PPP1R42: variants seen among roughly 807,000 people sequenced by gnomAD.
The protein encoded by PPP1R42 is protein phosphatase 1 regulatory subunit 42.
PPP1R42 carries 34 observed loss-of-function variants against 31.0 expected under a neutral mutation model. The ratio of observed to expected loss-of-function variants is 1.10; its 90% CI spans 0.83 to 1.46. PPP1R42 has a LOEUF of 1.46. Among genes scored for constraint, PPP1R42 ranks in the 40% most tolerant of loss-of-function variants. The probability of loss-of-function intolerance (pLI) is 0.00; values close to 1 mark genes in which losing one functional copy is unlikely to be tolerated. For synonymous variants in PPP1R42, 103 were observed against 109.8 expected, an observed-to-expected ratio of 0.94 and a Z score of 0.39; for missense variants, 268 against 303.0, an observed-to-expected ratio of 0.88 and a Z score of 0.86.
Position 66,985,021 on chromosome 8 carries a change from C to G in PPP1R42, c.671-2841G>C, listed in dbSNP as rs1180208760. The G allele has an allele frequency of 9.8e-6, 15 of 1,523,364 alleles. No homozygotes were observed. In the African/African-American group the frequency reaches 1.4e-4, roughly 14 times the overall value. The allele number at this position is 1,523,364 out of a possible 1,614,324, so 94.4% of individuals were successfully genotyped here. On this transcript the variant is annotated intron_variant, in intron 6 of 7. Coordinates refer to ENST00000685739, the MANE Select transcript of PPP1R42 (RefSeq NM_001364910.1). ...ATCTTCTCTCTTGGGATTTTCCTCT[C>G]TAAGGTTAAAGCCATTGGGGATTAT... is the stretch of plus-strand genomic sequence containing the variant.
At chr8:66,986,081 G>A in intron 6 of PPP1R42, 2 of 732,450 alleles carry the variant, frequency 2.7e-6, no homozygotes, top group Non-Finnish European at 2.6e-6. Flanking sequence ...TCAGATGATC[G>A]GCTGCCTTCT....
chr8:66,998,432 T>G lies in PPP1R42; in HGVS notation c.553-9915A>C, dbSNP rs553905182. 7.2e-5 allele frequency among the ~76,000 whole-genome samples: 11 copies of G among 152,352 alleles called. 1 individual carries two copies. The highest frequency in any genetic ancestry group is 2.2e-4 in the African/African-American group (9 of 41,580). On this transcript the variant is annotated intron_variant, in intron 5 of 7. Transcript: ENST00000685739. ...ATATGGCTTTGCTAAATACACTCCATAAGTTCTAATAGCTTTTTGCAGATT... is the reference window on the plus strand; with the variant it reads ...ATATGGCTTTGCTAAATACACTCCAGAAGTTCTAATAGCTTTTTGCAGATT...
intron 6 of PPP1R42, chr8:66,984,016 A>G: frequency 4.7e-6 from 5 of 1,053,372 alleles, no homozygotes; most frequent in Non-Finnish European, 7.3e-6. Context: ...CCTTTGTCCC[A>G]ATGTCTGCTT....
chr8:66,994,310 T>C (rs1379022418), intron 5 of PPP1R42, among the ~76,000 whole-genome samples: 1 of 152,196 alleles, frequency 6.6e-6, no homozygotes, highest in Non-Finnish European at 1.5e-5. Flanking sequence ...TCTAGGACCC[T>C]CAGTAAGCTA....
At chr8:67,017,069 C>T (rs1050149758) in intron 2 of PPP1R42, among the ~76,000 whole-genome samples, 5 of 151,842 alleles carry the variant, frequency 3.3e-5, no homozygotes, top group African/African-American at 7.3e-5. Flanking sequence ...TATATTTAAT[C>T]TATGTATTTA....
chr8:67,014,427 GTT>G lies in PPP1R42; in HGVS notation c.293_294del (p.Lys98ThrfsTer26). 2.0e-6 allele frequency: 3 copies of G among 1,480,024 alleles called. No homozygotes were observed. Among genetic ancestry groups the G allele is most frequent in the Non-Finnish European group, 2.7e-6 (3 of 1,109,262 alleles). The allele number at this position is 1,480,024 out of a possible 1,614,324, so 91.7% of individuals were successfully genotyped here. On this transcript the variant is annotated frameshift_variant and splice_region_variant, in exon 3 of 8. Coordinates refer to ENST00000685739, the MANE Select transcript of PPP1R42 (RefSeq NM_001364910.1). LOFTEE classifies it high-confidence loss of function. ...TTATTAAAAAATAAAAGCACTTACA[GTT>G]TTTCCAGTTTCTTTAATGACCTGAG... ...ENLRSLKKLE[K>X]LYLGGNYIAV...
intron 5 of PPP1R42, among the ~76,000 whole-genome samples, chr8:67,009,973 G>A (rs542646307): frequency 6.6e-5 from 10 of 152,272 alleles, no homozygotes; most frequent in South Asian, 2.1e-4. Context: ...AGCTCATTCC[G>A]TTGCCAAACC....
intron 1 of PPP1R42, among the ~76,000 whole-genome samples, chr8:67,018,996 AT>A (rs1418336836): frequency 1.5e-3 from 209 of 142,054 alleles, no homozygotes; most frequent in East Asian, 5.4e-3. Context: ...TGCCCGGCTA[AT>A]TTTTTTTTTT....
At chr8:67,010,031 C>A (rs937955935) in intron 5 of PPP1R42, among the ~76,000 whole-genome samples, 27 of 152,180 alleles carry the variant, frequency 1.8e-4, no homozygotes, top group African/African-American at 6.3e-4. Context: ...ATGACTGTTT[C>A]GAGGAAGCCT....
At chr8:67,024,271 TA>T (rs1365174702) in intron 1 of PPP1R42, among the ~76,000 whole-genome samples, 1 of 152,182 alleles carries the variant, frequency 6.6e-6, no homozygotes, top group African/African-American at 2.4e-5. Context: ...TCTTTTGCAT[TA>T]GGAGATGTGG....
Position 67,010,793 on chromosome 8 carries a change from A to G in PPP1R42, c.474T>C (p.Ile158=). The G allele has an allele frequency of 6.2e-7, 1 of 1,604,916 alleles. No homozygotes were observed. ...LCILNISNNN[I]DDITDLELLE... ...GTAGTTCTAAGTCTGTAATGTCATC[A>G]ATATTATTATTGCTGATATTCAATA... The change falls in exon 5 of 8, where the codon ATT becomes ATC. Residue 158 remains isoleucine, a synonymous_variant. Transcript: ENST00000685739.
Position 67,023,806 on chromosome 8 carries a change from G to GT in PPP1R42, c.-85+4684dup, listed in dbSNP as rs553036503. ...TCACCAAGTATGATATCTGCTGTAA[G>GT]TTTTTTTTTTTTAGTATGATATTTG... On this transcript the variant is annotated intron_variant, in intron 1 of 7. Transcript: ENST00000685739. Among the ~76,000 whole-genome samples the GT allele has an allele frequency of 5.2e-3, 749 of 144,634 alleles. 7 individuals carry two copies. Among genetic ancestry groups the GT allele is most frequent in the South Asian group, 0.039 (180 of 4,582 alleles). 94.9% of individuals were successfully genotyped at this position (144,634 alleles called of 152,430 possible). A position where few individuals can be genotyped will look rare whatever the true frequency, so the allele number is the denominator to read the frequency against.
At chr8:67,006,851 A>T (rs1035199717) in intron 5 of PPP1R42, among the ~76,000 whole-genome samples, 20 of 143,286 alleles carry the variant, frequency 1.4e-4, no homozygotes, top group African/African-American at 4.5e-4. Context: ...GGTTCACACC[A>T]TTCTCCTGCC....
intron 7 of PPP1R42, among the ~76,000 whole-genome samples, chr8:66,966,835 G>A (rs1814395484): frequency 6.6e-6 from 1 of 152,084 alleles, no homozygotes; most frequent in African/African-American, 2.4e-5. Context: ...CAAAATATAG[G>A]CATTTTAAAA....
intron 1 of PPP1R42, among the ~76,000 whole-genome samples, chr8:67,023,179 C>T (rs896517256): frequency 2.2e-5 from 3 of 134,398 alleles, no homozygotes; most frequent in African/African-American, 3.4e-5. Context: ...GGCCTGATCT[C>T]GATTCACTGC....
At chr8:67,003,493 G>GT (rs1429952305) in intron 5 of PPP1R42, among the ~76,000 whole-genome samples, 2 of 127,464 alleles carry the variant, frequency 1.6e-5, no homozygotes, top group African/African-American at 3.0e-5. Context: ...TATTCATCTT[G>GT]TTTTTTCTCT....
intron 2 of PPP1R42, among the ~76,000 whole-genome samples, chr8:67,014,908 G>A (rs1032876920): frequency 6.6e-6 from 1 of 152,116 alleles, no homozygotes; most frequent in Non-Finnish European, 1.5e-5. Flanking sequence ...ATAAATTATT[G>A]TCTCAACATT....
intron 5 of PPP1R42, among the ~76,000 whole-genome samples, chr8:66,988,967 GACCAAAAAACAAAC>G (rs1244197564): frequency 6.6e-6 from 1 of 151,264 alleles, no homozygotes; most frequent in Non-Finnish European, 1.5e-5. Flanking sequence ...AAAAAAAAAA[GACCAAAAAACAAAC>G]ACCTACCAAA....
At chr8:66,970,854 G>T (rs1814519247) in intron 7 of PPP1R42, 1 of 782,160 alleles carries the variant, frequency 1.3e-6, no homozygotes, top group Non-Finnish European at 2.2e-6. Context: ...TCTATGTTTG[G>T]CCAAAAAGGA....
Sources: allele counts gnomAD v4.1 joint callset (sites outside exome capture counted in the v4.1 genomes callset), GRCh38; gene constraint gnomAD v4.1.1; transcripts MANE v1.5; gene names NCBI Gene and HGNC (gene_info 2026-07-23, HGNC 2026-07-21).